ENOSF1: variants seen among roughly 807,000 people sequenced by gnomAD.
The protein encoded by ENOSF1 is mitochondrial enolase superfamily member 1.
ENOSF1 carries 73 observed loss-of-function variants against 68.2 expected under a neutral mutation model. The observed-to-expected ratio is 1.07, with a 90% CI of 0.89 to 1.30. The LOEUF is 1.30. ENOSF1 is among the 50% of genes most tolerant of loss of function. The pLI is 0.00. For synonymous variants in ENOSF1, 223 were observed against 210.4 expected (o/e 1.06, Z -0.52); for missense variants, 589 against 554.5 (o/e 1.06, Z -0.62).
chr18:691,273 G>T lies in ENOSF1; in HGVS notation c.427C>A (p.Pro143Thr), dbSNP rs772039781. Reference sequence around the variant, plus strand: ...TCTATGCAGGATACCAGCATCCTGGGATCCTGGCAACGTGACAGGAGGGGA... The same window carrying T: ...TCTATGCAGGATACCAGCATCCTGGTATCCTGGCAACGTGACAGGAGGGGA... Reference protein sequence around the residue: ...PVWKLLVDMDPRMLVSCIDFR... With the variant: ...PVWKLLVDMDTRMLVSCIDFR... Residue 143 changes from proline to threonine, a missense_variant, in exon 6 of 16, where the codon CCC (proline) becomes ACC (threonine). Transcript: ENST00000647584. 19 of 1,612,906 alleles carry T rather than the reference G, an allele frequency of 1.2e-5. No homozygotes were observed. The highest frequency in any genetic ancestry group is 1.2e-5 in the Non-Finnish European group (14 of 1,179,088).
At chr18:690,321 T>G (rs1029244665) in intron 8 of ENOSF1, among the ~76,000 whole-genome samples, 1 of 150,774 alleles carries the variant, frequency 6.6e-6, no homozygotes, top group African/African-American at 2.5e-5. Flanking sequence ...GCCCTTAACC[T>G]GTGGGGTCTG....
intron 15 of ENOSF1, 73 bp from the exon 16 acceptor site, chr18:674,479 G>A (rs2075269812): frequency 2.1e-6 from 2 of 945,376 alleles, no homozygotes; most frequent in Non-Finnish European, 3.3e-6. Flanking sequence ...CATTTATGCT[G>A]CTCCAAGAAA....
Position 691,321 on chromosome 18 carries a change from G to A in ENOSF1, c.424-45C>T, listed in dbSNP as rs768349528. ...GGAAGAGGCCTGAATCAATTATAAG[G>A]TGGGTTATATTTTGTTTTTTAAAAT... is the stretch of plus-strand genomic sequence containing the variant. On this transcript the variant is annotated intron_variant, in intron 5 of 15. Transcript: ENST00000647584. 4.7e-6 allele frequency: 7 copies of A among 1,494,338 alleles called. No homozygotes were observed. The South Asian group carries it at 5.9e-5, about 13-fold the overall frequency. 92.6% of individuals were successfully genotyped at this position (1,494,338 alleles called of 1,614,324 possible). A position where few individuals can be genotyped will look rare whatever the true frequency, so the allele number is the denominator to read the frequency against.
At position 691,246 on chromosome 18, in the gene ENOSF1, A is replaced by G; in HGVS notation, c.454T>C (p.Phe152Leu). The G allele has an allele frequency of 6.2e-7, 1 of 1,614,208 alleles. No homozygotes were observed. The highest frequency in any genetic ancestry group is 8.5e-7 in the Non-Finnish European group (1 of 1,180,036). The change falls in exon 6 of 16, where the codon TTC becomes CTC. Residue 152 changes from phenylalanine to leucine, a missense_variant. By Grantham distance (22) the Phe-to-Leu change is conservative. Transcript: ENST00000647584. ...DPRMLVSCID[F>L]RYITDVLTEE... ...GTCAGGACATCAGTGATGTACCTGA[A>G]ATCTATGCAGGATACCAGCATCCTG...
Position 685,799 on chromosome 18 carries a change from C to T in ENOSF1, c.741+122G>A, listed in dbSNP as rs190679594. Reference sequence around the variant, plus strand: ...TTTGAGCTCGCCTACTGCAAGACCACAGAAGTGTACTTCCTCTGACAATTA... The same window carrying T: ...TTTGAGCTCGCCTACTGCAAGACCATAGAAGTGTACTTCCTCTGACAATTA... On this transcript the variant is annotated intron_variant, in intron 10 of 15. Transcript: ENST00000647584. 1.3e-3 allele frequency: 1,081 copies of T among 808,178 alleles called. 9 individuals carry two copies. The African/African-American group carries it at 0.016, about 12-fold the overall frequency. The allele number at this position is 808,178 out of a possible 1,614,324, so 50.1% of individuals were successfully genotyped here.
chr18:705,099 C>T (rs1206634697), intron 2 of ENOSF1, among the ~76,000 whole-genome samples: 1 of 152,218 alleles, frequency 6.6e-6, no homozygotes, highest in Non-Finnish European at 1.5e-5. Context: ...CACAAACTCA[C>T]ACACTTCTTT....
At chr18:669,036 G>A (rs2074923716), downstream of ENOSF1, 7 of 1,539,248 alleles carry the variant, frequency 4.5e-6, no homozygotes, top group Middle Eastern at 1.7e-4. Flanking sequence ...TGTGATTAAT[G>A]TATGTACCTG....
rs1567995944 is a variant in ENOSF1, at chr18:671,545, T to G, written c.*2760A>C. 1 of 838,262 alleles carries G rather than the reference T, an allele frequency of 1.2e-6. No homozygotes were observed. The highest frequency in any genetic ancestry group is 2.0e-6 in the Non-Finnish European group (1 of 494,298). The allele number at this position is 838,262 out of a possible 1,614,324, so 51.9% of individuals were successfully genotyped here. On this transcript the variant is annotated 3_prime_UTR_variant, in exon 16 of 16. Coordinates refer to ENST00000647584, the MANE Select transcript of ENOSF1 (RefSeq NM_017512.7). ...CATCTGCTCAATGCTGTGTCCAAGA[T>G]AAAGATGACTGCTCCAAATGTGGGG...
chr18:687,481 G>A (rs545257644), intron 9 of ENOSF1: 3 of 152,322 alleles, frequency 2.0e-5, no homozygotes, highest in East Asian at 1.9e-4. Context: ...TGCTCCACAG[G>A]ACACACTGAG....
downstream of ENOSF1, chr18:669,229 A>G (rs2074930488): frequency 1.3e-6 from 2 of 1,524,772 alleles, no homozygotes; most frequent in Admixed American, 1.7e-5. Context: ...GAGGGAAGCA[A>G]TCTGGTTTTG....
At chr18:692,881 G>T (rs1005741931) in intron 5 of ENOSF1, 2 of 1,100,110 alleles carry the variant, frequency 1.8e-6, no homozygotes, top group Admixed American at 4.4e-5. Flanking sequence ...ACTTTCCTCC[G>T]GAGGAGGAGC....
chr18:708,129 A>G (rs2079135558), intron 1 of ENOSF1, among the ~76,000 whole-genome samples: 1 of 151,218 alleles, frequency 6.6e-6, no homozygotes, highest in Non-Finnish European at 1.5e-5. Flanking sequence ...CCAAAGTGCT[A>G]GGATTACAGG....
intron 7 of ENOSF1, 192 bp downstream of exon 7, chr18:690,876 G>C: frequency 7.7e-7 from 1 of 1,292,012 alleles, no homozygotes; most frequent in Non-Finnish European, 1.1e-6. Context: ...CCTTTCAGCA[G>C]TGGCTGAAGC....
intron 5 of ENOSF1, chr18:692,818 T>G (rs1241816829): frequency 9.6e-7 from 1 of 1,042,618 alleles, no homozygotes; most frequent in Non-Finnish European, 1.2e-6. Context: ...CCCCTACGGA[T>G]GGCCCGGAAG....
chr18:690,263 C>T (rs1421521683), intron 8 of ENOSF1, among the ~76,000 whole-genome samples: 4 of 150,858 alleles, frequency 2.7e-5, no homozygotes, highest in South Asian at 2.1e-4. Context: ...CAGGTGACAA[C>T]GTGGACTTGT....
intron 1 of ENOSF1, among the ~76,000 whole-genome samples, chr18:708,581 G>T (rs1440186428): frequency 6.6e-6 from 1 of 152,084 alleles, no homozygotes; most frequent in Admixed American, 6.5e-5. Context: ...GGCCTGGGAG[G>T]GATGCAAACT....
At chr18:698,154 T>C (rs1315561448) in intron 2 of ENOSF1, among the ~76,000 whole-genome samples, 3 of 152,244 alleles carry the variant, frequency 2.0e-5, no homozygotes, top group African/African-American at 4.8e-5. Flanking sequence ...TGTTAATCCA[T>C]ATACTGAGCT....
At chr18:712,179 C>T (rs1233269211) in intron 1 of ENOSF1, among the ~76,000 whole-genome samples, 4 of 152,234 alleles carry the variant, frequency 2.6e-5, no homozygotes, top group African/African-American at 9.6e-5. Context: ...AGAAAAAACC[C>T]AGGAGAGTGG....
Position 675,354 on chromosome 18 carries a change from C to G in ENOSF1, c.1197G>C (p.Val399=). 1 of 1,613,026 alleles carries G rather than the reference C, an allele frequency of 6.2e-7. No individual in the cohort carries two copies. The highest frequency in any genetic ancestry group is 8.5e-7 in the Non-Finnish European group (1 of 1,179,790). Residue 399 remains valine, a synonymous_variant, in exon 15 of 16, where the codon GTG becomes GTC. Transcript: ENST00000647584. The part of the protein sequence containing the change: ...DHLHEHFKYP[V]MIQRASYMPP... ...GCATGTAGGAAGCCCGCTGGATCAT[C>G]ACGGGATACTTGAAATGCTCATGCA... is the stretch of plus-strand genomic sequence containing the variant.
Sources: gnomAD v4.1 joint callset for allele counts (sites outside exome capture counted in the v4.1 genomes callset) on GRCh38, gnomAD v4.1.1 for gene constraint, MANE v1.5 for transcripts, NCBI Gene and HGNC (gene_info 2026-07-23, HGNC 2026-07-21) for gene names.